Variants in CACNG4 observed in about 807,000 individuals in gnomAD.
CACNG4 encodes the protein calcium voltage-gated channel auxiliary subunit gamma 4.
A neutral mutation model predicts 22.9 loss-of-function variants in CACNG4; 8 were observed. The ratio of observed to expected loss-of-function variants is 0.35; its 90% CI spans 0.21 to 0.63. CACNG4 has a LOEUF of 0.63. CACNG4 is among the 30% of genes least tolerant of loss of function. The probability of loss-of-function intolerance (pLI) is 0.72; values close to 1 mark genes in which losing one functional copy is unlikely to be tolerated. For synonymous variants in CACNG4, 188 were observed against 191.9 expected (o/e 0.98, Z 0.17); for missense variants, 357 against 455.4 (o/e 0.78, Z 1.97).
chr17:66,995,621 G>A (rs544647594), intron 1 of CACNG4, among the ~76,000 whole-genome samples: 223 of 152,270 alleles, frequency 1.5e-3, no homozygotes, highest in Middle Eastern at 6.8e-3. Context: ...GGAGGCCAAG[G>A]CAGGCAGATC....
At chr17:66,967,816 C>T (rs1174812490) in intron 1 of CACNG4, among the ~76,000 whole-genome samples, 6 of 152,170 alleles carry the variant, frequency 3.9e-5, no homozygotes, top group Non-Finnish European at 8.8e-5. Flanking sequence ...GTTGCATGTT[C>T]GTGTCTTATA....
intron 1 of CACNG4, among the ~76,000 whole-genome samples, chr17:66,977,232 G>T (rs1206438260): frequency 6.6e-6 from 1 of 152,160 alleles, no homozygotes; most frequent in Non-Finnish European, 1.5e-5. Flanking sequence ...TCATTCCCCA[G>T]CTCAGTACCT....
Position 66,984,662 on chromosome 17 carries a change from G to A in CACNG4, c.220+19531G>A, listed in dbSNP as rs942609301. On this transcript the variant is annotated intron_variant, in intron 1 of 3. Coordinates refer to ENST00000262138, the MANE Select transcript of CACNG4 (RefSeq NM_014405.4). This position sits in a 1 kb window ranked among gnomAD's most constrained non-coding sequence, Gnocchi z 4.0. ...CCTGTATCTGCAGATTCTGAGACTC[G>A]GAGCTGTTCAGAATGACATGACCTC... 3.3e-5 allele frequency among the ~76,000 whole-genome samples: 5 copies of A among 152,060 alleles called. No homozygotes were observed. The highest frequency in any genetic ancestry group is 9.7e-5 in the African/African-American group (4 of 41,398).
At chr17:66,976,614 T>G (rs2035238097) in intron 1 of CACNG4, among the ~76,000 whole-genome samples, 1 of 148,796 alleles carries the variant, frequency 6.7e-6, no homozygotes, top group Non-Finnish European at 1.5e-5. Context: ...TCGTCCCTCC[T>G]CCCTGCCTTC....
rs144813050 is a variant in CACNG4 at position 67,028,325 on chromosome 17, G to A, written c.446-2141G>A. ...TCCCAGCACTTTGGGAGGCTGAGGC[G>A]GGCGGATCACAAGCTCAGGAGATCG... On this transcript the variant is annotated intron_variant, in intron 3 of 3. Coordinates refer to ENST00000262138, the MANE Select transcript of CACNG4 (RefSeq NM_014405.4). Among the ~76,000 whole-genome samples, 480 of 152,174 alleles carry A rather than the reference G, an allele frequency of 3.2e-3. 4 individuals carry two copies. Among genetic ancestry groups the A allele is most frequent in the African/African-American group, 0.011 (458 of 41,538 alleles).
rs935071108 is a variant in CACNG4, at chr17:67,032,528, G to A, written c.*1524G>A. 2.5e-5 allele frequency: 4 copies of A among 160,526 alleles called. No homozygotes were observed. Among genetic ancestry groups the A allele is most frequent in the African/African-American group, 7.2e-5 (3 of 41,466 alleles). The allele number at this position is 160,526 out of a possible 1,614,324, so 9.9% of individuals were successfully genotyped here. ...CTGCTCACAGCCCATGGGTGGACTC[G>A]GCCCCCTGGGGTTCAGACCCAGGTC... is the stretch of plus-strand genomic sequence containing the variant. On this transcript the variant is annotated 3_prime_UTR_variant, in exon 4 of 4. Transcript: ENST00000262138.
intron 1 of CACNG4, among the ~76,000 whole-genome samples, chr17:66,974,593 G>A (rs545005372): frequency 5.9e-4 from 90 of 152,248 alleles, no homozygotes; most frequent in Non-Finnish European, 1.1e-3. Flanking sequence ...GATGCCCCCC[G>A]CGCAGAGTGC....
chr17:66,983,969 C>T (rs1265164862), intron 1 of CACNG4, among the ~76,000 whole-genome samples: 1 of 152,196 alleles, frequency 6.6e-6, no homozygotes. Context: ...TGGGAGGGTG[C>T]AAGGTGTGTG....
intron 1 of CACNG4, among the ~76,000 whole-genome samples, chr17:67,002,324 C>T (rs1255300719): frequency 6.6e-6 from 1 of 152,208 alleles, no homozygotes; most frequent in Non-Finnish European, 1.5e-5. Flanking sequence ...AATTACTTCC[C>T]ACTGGGTCCC....
intron 1 of CACNG4, among the ~76,000 whole-genome samples, chr17:66,994,931 C>T (rs184010304): frequency 1.2e-4 from 18 of 152,182 alleles, no homozygotes; most frequent in African/African-American, 3.1e-4. Context: ...CTTGAATATC[C>T]GGAAATCTAT....
intron 1 of CACNG4, among the ~76,000 whole-genome samples, chr17:66,982,108 G>A (rs558664578): frequency 2.6e-5 from 4 of 152,262 alleles, no homozygotes; most frequent in South Asian, 2.1e-4. Flanking sequence ...AAGGTGGCAC[G>A]GACCCAAAGA....
chr17:67,025,727 C>T (rs556502409), intron 3 of CACNG4, among the ~76,000 whole-genome samples: 240 of 152,380 alleles, frequency 1.6e-3, no homozygotes, highest in Non-Finnish European at 2.7e-3. Flanking sequence ...GCAGGCCTGG[C>T]GTGGTGCCGC....
At chr17:66,985,620 G>A (rs755433221) in intron 1 of CACNG4, among the ~76,000 whole-genome samples, 1 of 152,196 alleles carries the variant, frequency 6.6e-6, no homozygotes, top group Admixed American at 6.5e-5. Flanking sequence ...AGAGGCACAC[G>A]TCTTCCTTCC....
intron 1 of CACNG4, among the ~76,000 whole-genome samples, chr17:66,987,734 C>T (rs192149227): frequency 1.3e-5 from 2 of 152,242 alleles, no homozygotes; most frequent in East Asian, 3.9e-4. Flanking sequence ...GGGCGAAATA[C>T]CCTGACTTTC....
At chr17:66,999,883 G>A (rs76690926) in intron 1 of CACNG4, among the ~76,000 whole-genome samples, 13 of 152,328 alleles carry the variant, frequency 8.5e-5, no homozygotes, top group South Asian at 2.1e-4. Flanking sequence ...CTGAGTGCGC[G>A]GCCTCCCGAG....
intron 1 of CACNG4, among the ~76,000 whole-genome samples, chr17:67,015,267 C>T (rs760789368): frequency 2.6e-5 from 4 of 152,178 alleles, no homozygotes; most frequent in Non-Finnish European, 5.9e-5. Context: ...TGAGAACAGC[C>T]GGTCCCCAAA....
rs375834642 is a variant in CACNG4, at chr17:66,999,212, A to G, written c.221-18977A>G. Among the ~76,000 whole-genome samples the G allele has an allele frequency of 5.5e-4, 84 of 152,350 alleles. 1 individual carries two copies. The highest frequency in any genetic ancestry group is 2.0e-3 in the African/African-American group (82 of 41,588). On this transcript the variant is annotated intron_variant, in intron 1 of 3. Transcript: ENST00000262138. ...GACTGAATGAGTTAGAATATGAAGTACATAGAACGGCGATGACCTCAACAA... is the reference window on the plus strand; with the variant it reads ...GACTGAATGAGTTAGAATATGAAGTGCATAGAACGGCGATGACCTCAACAA...
intron 1 of CACNG4, among the ~76,000 whole-genome samples, chr17:67,015,982 C>T (rs906146041): frequency 1.1e-4 from 17 of 152,076 alleles, no homozygotes; most frequent in African/African-American, 3.9e-4. Context: ...TGTGTCCCCA[C>T]CCCACCACCC....
In CACNG4 at chr17:67,031,731, A is replaced by G. The variant is rs549986469; in HGVS notation, c.*727A>G. On this transcript the variant is annotated 3_prime_UTR_variant, in exon 4 of 4. Coordinates refer to ENST00000262138, the MANE Select transcript of CACNG4 (RefSeq NM_014405.4). This position sits in a 1 kb window ranked among gnomAD's most constrained non-coding sequence, Gnocchi z 4.0. Reference sequence around the variant, plus strand: ...CTTTGCTTCTGGAAGTTTCTGCCTCACTCAGAATGGGCAGGACAGACCCAC... The same window carrying G: ...CTTTGCTTCTGGAAGTTTCTGCCTCGCTCAGAATGGGCAGGACAGACCCAC... 1.8e-4 allele frequency: 83 copies of G among 455,976 alleles called. 1 individual carries two copies. The highest frequency in any genetic ancestry group is 1.2e-3 in the South Asian group (80 of 64,558). The allele number at this position is 455,976 out of a possible 1,614,324, so 28.2% of individuals were successfully genotyped here. A position where few individuals can be genotyped will look rare whatever the true frequency, so the allele number is the denominator to read the frequency against.
Sources: gnomAD v4.1 joint callset for allele counts (sites outside exome capture counted in the v4.1 genomes callset) on GRCh38, gnomAD v4.1.1 for gene constraint, Gnocchi (gnomAD v3.1) non-coding constraint, MANE v1.5 for transcripts, NCBI Gene and HGNC (gene_info 2026-07-23, HGNC 2026-07-21) for gene names.